The following SHANK2 variants were observed in gnomAD, a reference collection of about 807,000 sequenced individuals.
SHANK2 encodes the protein SH3 and multiple ankyrin repeat domains protein 2.
A neutral mutation model predicts 133.7 loss-of-function variants in SHANK2; 43 were observed. The observed-to-expected ratio is 0.32, with a 90% confidence interval of 0.25 to 0.41. The LOEUF is 0.41. Among genes scored for constraint, SHANK2 ranks in the 10% least tolerant of loss-of-function variants. The pLI is 1.00. For synonymous variants in SHANK2, 1,017 were observed against 952.8 expected, an observed-to-expected ratio of 1.07 and a Z score of -1.24; for missense variants, 1,994 against 2,235.8, an observed-to-expected ratio of 0.89 and a Z score of 2.18.
intron 15 of SHANK2, among the ~76,000 whole-genome samples, chr11:70,669,806 G>A (rs371298073): frequency 3.3e-5 from 5 of 152,238 alleles, no homozygotes; most frequent in South Asian, 2.1e-4. Flanking sequence ...AGAACCACTC[G>A]GAGGGCAGGT....
At chr11:71,244,572 G>A (rs924962907) in intron 1 of SHANK2, among the ~76,000 whole-genome samples, 10 of 152,312 alleles carry the variant, frequency 6.6e-5, no homozygotes, top group Admixed American at 3.3e-4. Flanking sequence ...AGTGCACAAC[G>A]GAAGCTACAA....
intron 18 of SHANK2, 66 bp downstream of exon 18, chr11:70,502,730 T>TGGGCGGGGGGGGGGGGGGGGGGGGGGGG: frequency 1.3e-6 from 1 of 772,456 alleles, no homozygotes; most frequent in Non-Finnish European, 1.9e-6. Context: ...CCAGCTGTCC[T>TGGGCGGGGGGGGGGGGGGGGGGGGGGGG]GCCCGCCCCC....
rs575529100 is a variant in SHANK2 at position 70,802,795 on chromosome 11, T to C, written c.1663+4207A>G. ...CCCCCTGTGCCCCCACCCCCCAGCATTGGCAATGCTATGTCATGGGCTTAG... is the reference window on the plus strand; with the variant it reads ...CCCCCTGTGCCCCCACCCCCCAGCACTGGCAATGCTATGTCATGGGCTTAG... On this transcript the variant is annotated intron_variant, in intron 13 of 25. Coordinates refer to ENST00000601538, the MANE Select transcript of SHANK2 (RefSeq NM_012309.5). Among the ~76,000 whole-genome samples the C allele has an allele frequency of 7.9e-5, 12 of 152,288 alleles. No individual in the cohort carries two copies. In the South Asian group the frequency reaches 2.1e-3, roughly 26 times the overall value.
intron 2 of SHANK2, among the ~76,000 whole-genome samples, chr11:71,167,552 C>A (rs1555111227): frequency 2.5e-5 from 3 of 121,358 alleles, no homozygotes; most frequent in Admixed American, 7.8e-5. Context: ...CTGACCCCCC[C>A]ACCTCCCTCC....
At chr11:71,072,296 G>A (rs1951153243) in intron 9 of SHANK2, among the ~76,000 whole-genome samples, 1 of 151,998 alleles carries the variant, frequency 6.6e-6, no homozygotes, top group African/African-American at 2.4e-5. Context: ...CCTCCTGCGG[G>A]ACCAACAGCC....
chr11:70,821,397 G>A (rs981258488), intron 11 of SHANK2, among the ~76,000 whole-genome samples: 1 of 152,128 alleles, frequency 6.6e-6, no homozygotes, highest in Non-Finnish European at 1.5e-5. Flanking sequence ...CCCCAGGACT[G>A]GGAGGTGTAA....
At position 70,539,431 on chromosome 11, in the gene SHANK2, C is replaced by T. The variant is rs185611283; in HGVS notation, c.2062-36500G>A. On this transcript the variant is annotated intron_variant, in intron 17 of 25. Transcript: ENST00000601538. ...CGAGTCGGGGTGCCCAACAGATCTG[C>T]GGGGGAAAGGTGCTGTGACACCGCG... Among the ~76,000 whole-genome samples the T allele has an allele frequency of 4.4e-4, 60 of 136,644 alleles. 1 individual carries two copies. The highest frequency in any genetic ancestry group is 5.0e-4 in the South Asian group (2 of 3,970). The allele number at this position is 136,644 out of a possible 152,430, so 89.6% of individuals were successfully genotyped here.
intron 2 of SHANK2, among the ~76,000 whole-genome samples, chr11:71,189,397 T>C (rs1334349727): frequency 1.3e-5 from 2 of 152,152 alleles, no homozygotes; most frequent in African/African-American, 4.8e-5. Flanking sequence ...TTTATTATTT[T>C]TTATTCTTTT....
chr11:70,592,605 A>AC (rs1554988342), intron 17 of SHANK2, among the ~76,000 whole-genome samples: 2 of 150,186 alleles, frequency 1.3e-5, no homozygotes, highest in East Asian at 4.0e-4. Flanking sequence ...CTCTGTCTGC[A>AC]CCCCCCGTTG....
intron 17 of SHANK2, among the ~76,000 whole-genome samples, chr11:70,592,050 T>A (rs1435939338): frequency 6.6e-6 from 1 of 151,094 alleles, no homozygotes; most frequent in Non-Finnish European, 1.5e-5. Context: ...AATAAATAAA[T>A]AAAAAATAAA....
intron 17 of SHANK2, among the ~76,000 whole-genome samples, chr11:70,561,037 T>G: frequency 6.6e-6 from 1 of 151,980 alleles, no homozygotes; most frequent in South Asian, 2.1e-4. Context: ...GAAGAACGGG[T>G]TTTTGATAAA....
chr11:70,666,338 T>C (rs1555014798), intron 15 of SHANK2, among the ~76,000 whole-genome samples: 1 of 152,120 alleles, frequency 6.6e-6, no homozygotes, highest in African/African-American at 2.4e-5. Flanking sequence ...CTGCAGTCAC[T>C]GTGTCTGAAA....
chr11:71,204,277 G>T (rs184224119), intron 2 of SHANK2, among the ~76,000 whole-genome samples: 23 of 152,320 alleles, frequency 1.5e-4, no homozygotes, highest in Non-Finnish European at 2.2e-4. Flanking sequence ...TGGAAGGGGC[G>T]TGCTCACATG....
chr11:71,182,509 C>T (rs1953579509), intron 2 of SHANK2, among the ~76,000 whole-genome samples: 1 of 152,194 alleles, frequency 6.6e-6, no homozygotes, highest in South Asian at 2.1e-4. Context: ...TGTCCCCCAG[C>T]TTCAGGTGCA....
chr11:70,884,043 C>G (rs781978276), intron 11 of SHANK2, among the ~76,000 whole-genome samples: 6 of 152,168 alleles, frequency 3.9e-5, no homozygotes, highest in African/African-American at 9.7e-5. Flanking sequence ...GGGTGGCGCT[C>G]AGGGGCAAGG....
Position 71,229,553 on chromosome 11 carries a change from G to A in SHANK2, c.-112-4757C>T, listed in dbSNP as rs183172178. ...TGGGAGGCCGAGGTGGGTGGATCACGAGGTCAGTAGATAGAGACCATCCTG... is the reference window on the plus strand; with the variant it reads ...TGGGAGGCCGAGGTGGGTGGATCACAAGGTCAGTAGATAGAGACCATCCTG... On this transcript the variant is annotated intron_variant, in intron 1 of 25. Coordinates refer to ENST00000601538, the MANE Select transcript of SHANK2 (RefSeq NM_012309.5). 5.3e-5 allele frequency among the ~76,000 whole-genome samples: 8 copies of A among 152,012 alleles called. No individual in the cohort carries two copies. The East Asian group carries it at 5.8e-4, about 11-fold the overall frequency.
intron 1 of SHANK2, among the ~76,000 whole-genome samples, chr11:71,247,578 TG>T (rs1391380987): frequency 6.6e-6 from 1 of 151,662 alleles, no homozygotes; most frequent in African/African-American, 2.4e-5. Context: ...GCAGTGCTTA[TG>T]ACCTCTAATG....
chr11:70,777,559 C>T (rs1411112901), intron 14 of SHANK2, among the ~76,000 whole-genome samples: 2 of 152,128 alleles, frequency 1.3e-5, no homozygotes, highest in African/African-American at 4.8e-5. Context: ...ATCAGAAGTA[C>T]TTTCTCAGCC....
chr11:70,675,438 C>A (rs974397253), intron 15 of SHANK2, among the ~76,000 whole-genome samples: 1 of 152,168 alleles, frequency 6.6e-6, no homozygotes, highest in African/African-American at 2.4e-5. Context: ...TGCACCAGAA[C>A]ACAGGGCTGG....
Sources: gnomAD v4.1 joint callset for allele counts (sites outside exome capture counted in the v4.1 genomes callset) on GRCh38, gnomAD v4.1.1 for gene constraint, MANE v1.5 for transcripts, NCBI Gene and HGNC (gene_info 2026-07-23, HGNC 2026-07-21) for gene names.